Variants in PASK observed in about 807,000 individuals in gnomAD.
PASK encodes the protein PAS domain-containing serine/threonine-protein kinase.
Under a neutral mutation model 121.0 loss-of-function variants are expected in PASK, and 110 were observed. That is an observed-to-expected ratio of 0.91 (90% CI 0.78 to 1.06). PASK has a LOEUF of 1.06. Among genes scored for constraint, PASK ranks in the 50% least tolerant of loss-of-function variants. PASK has a pLI of 0.00. For missense variants in PASK, 1,643 were observed against 1,702.3 expected (o/e 0.97, Z 0.61); for synonymous variants, 686 against 717.8 (o/e 0.96, Z 0.71).
rs1350412594 is a variant in PASK at position 241,142,860 on chromosome 2, CAG to C, written c.171_172del (p.Cys58ProfsTer8). On this transcript the variant is annotated frameshift_variant, in exon 2 of 18. Coordinates refer to ENST00000234040, the MANE Select transcript of PASK (RefSeq NM_015148.4). LOFTEE classifies it high-confidence loss of function. The stretch of plus-strand genomic sequence containing the variant: ...ACCAGAGAGCGCTGTCCTGCTCTGG[CAG>C]AGTCTGGAAAGCCCATTCCTTCTGC... 4 of 1,613,532 alleles carry C rather than the reference CAG, an allele frequency of 2.5e-6. No individual in the cohort carries two copies. Among genetic ancestry groups the C allele is most frequent in the African/African-American group, 2.7e-5 (2 of 74,924 alleles).
intron 2 of PASK, 97 bp from the exon 3 acceptor site, chr2:241,140,850 T>C (rs1052581952): frequency 1.3e-6 from 1 of 767,888 alleles, no homozygotes; most frequent in African/African-American, 1.7e-5. Flanking sequence ...CCTCAACTCC[T>C]GCAAAAAGAT....
At chr2:241,118,341 C>CTATA (rs2065460858) in intron 12 of PASK, among the ~76,000 whole-genome samples, 1 of 152,226 alleles carries the variant, frequency 6.6e-6, no homozygotes, top group South Asian at 2.1e-4. Context: ...GAAAGACAGA[C>CTATA]TATAGATCAA....
At chr2:241,119,375 T>C (rs894609089) in intron 12 of PASK, among the ~76,000 whole-genome samples, 14 of 152,138 alleles carry the variant, frequency 9.2e-5, no homozygotes, top group African/African-American at 3.1e-4. Flanking sequence ...TTGGGCATCA[T>C]GTGCCCACCC....
intron 14 of PASK, among the ~76,000 whole-genome samples, chr2:241,113,041 A>C (rs1461623140): frequency 6.6e-6 from 1 of 152,180 alleles, no homozygotes; most frequent in African/African-American, 2.4e-5. Flanking sequence ...AAGCAGTTAC[A>C]CTGGAAACGG....
chr2:241,111,579 A>C (rs2065114721), intron 15 of PASK, among the ~76,000 whole-genome samples: 1 of 152,018 alleles, frequency 6.6e-6, no homozygotes. Flanking sequence ...AATGAACCAC[A>C]ATCTTCCTTT....
chr2:241,146,184 G>A (rs1447569876), intron 1 of PASK, among the ~76,000 whole-genome samples: 1 of 152,184 alleles, frequency 6.6e-6, no homozygotes, highest in East Asian at 1.9e-4. Context: ...TCCTAATCAT[G>A]ATGATGTTAT....
chr2:241,139,693 T>G, intron 4 of PASK, 192 bp downstream of exon 4: 2 of 711,188 alleles, frequency 2.8e-6, no homozygotes, highest in East Asian at 2.7e-5. Context: ...GATTCGTTCT[T>G]AAAGGGCCCC....
rs140590288 is a variant in PASK at position 241,112,654 on chromosome 2, G to C, written c.3334-215C>G. 1,694 of 530,584 alleles carry C rather than the reference G, an allele frequency of 3.2e-3. 4 individuals carry two copies. The highest frequency in any genetic ancestry group is 4.6e-3 in the Non-Finnish European group (1,360 of 296,344). The allele number at this position is 530,584 out of a possible 1,614,324, so 32.9% of individuals were successfully genotyped here. A position where few individuals can be genotyped will look rare whatever the true frequency, so the allele number is the denominator to read the frequency against. On this transcript the variant is annotated intron_variant, in intron 14 of 17. Coordinates refer to ENST00000234040, the MANE Select transcript of PASK (RefSeq NM_015148.4). This position sits in a 1 kb window ranked among gnomAD's most constrained non-coding sequence, Gnocchi z 5.2. The stretch of plus-strand genomic sequence containing the variant: ...AGGCGTGTTCACTGGGGATGGCCAC[G>C]TTAGCCGGCAAGGTGGCAACATCAA...
rs80343844 is a variant in PASK, at chr2:241,135,863, C to T, written c.1306+8G>A. ...ACAGGCGCATTCAGGAGGAAGAGGA[C>T]GTCTTACCCTGGCCCCCCTCAGCTG... On this transcript the variant is annotated splice_region_variant and intron_variant, in intron 8 of 17. Transcript: ENST00000234040. 264 of 1,612,868 alleles carry T rather than the reference C, an allele frequency of 1.6e-4. No individual in the cohort carries two copies. The East Asian group carries it at 5.7e-3, about 35-fold the overall frequency.
chr2:241,112,432 G>T lies in PASK; in HGVS notation c.3341C>A (p.Ser1114Ter). The change falls in exon 15 of 18, where the codon TCA (serine) becomes TAA (stop). Residue 1114 changes from serine to a stop codon, truncating the protein, a stop_gained. Coordinates refer to ENST00000234040, the MANE Select transcript of PASK (RefSeq NM_015148.4). LOFTEE classifies it high-confidence loss of function. The surrounding 1 kb of genome is among the most constrained non-coding windows in gnomAD (Gnocchi z 5.2). ...LASYIFRQLV[S>*]AVGYLRLKDI... Reference sequence around the variant, plus strand: ...CTTCAAGCGCAGGTATCCCACTGCTGACACTAGCTGGAATCAGGAGGCCAG... The same window carrying T: ...CTTCAAGCGCAGGTATCCCACTGCTTACACTAGCTGGAATCAGGAGGCCAG... 1 of 1,611,610 alleles carries T rather than the reference G, an allele frequency of 6.2e-7. No homozygotes were observed. The highest frequency in any genetic ancestry group is 1.1e-5 in the South Asian group (1 of 91,012).
At chr2:241,140,267 T>A (rs1274255016) in intron 3 of PASK, among the ~76,000 whole-genome samples, 1 of 151,982 alleles carries the variant, frequency 6.6e-6, no homozygotes, top group East Asian at 1.9e-4. Context: ...TGGGTTCAAG[T>A]GATCCTCCTG....
At chr2:241,115,867 C>T (rs1468671685) in intron 12 of PASK, among the ~76,000 whole-genome samples, 384 of 119,042 alleles carry the variant, frequency 3.2e-3, no homozygotes, top group Middle Eastern at 8.8e-3. Flanking sequence ...CACCCGGTCC[C>T]CAAGCATCCC....
In PASK at chr2:241,135,894, T is replaced by A; in HGVS notation, c.1283A>T (p.Gln428Leu). 6.2e-6 allele frequency: 10 copies of A among 1,614,172 alleles called. No homozygotes were observed. Among genetic ancestry groups the A allele is most frequent in the Non-Finnish European group, 8.5e-6 (10 of 1,180,000 alleles). ...ACCCTGGCCCCCCTCAGCTGGGTCC[T>A]GGCCCTGCCACGGGTCCAAGGTTCT... ...GERTLDPWQG[Q>L]DPAEGGQDPR... The change falls in exon 8 of 18, where the codon CAG becomes CTG. Residue 428 changes from glutamine (Q) to leucine (L), a missense_variant. By Grantham distance (113) the Gln-to-Leu change is moderately radical (BLOSUM62 -2). This residue lies in a region of PASK where 1,176 missense variants were observed against 1,162.2 expected (regional missense o/e 1.01). Transcript: ENST00000234040.
rs1283336511 is a variant in PASK, at chr2:241,126,988, G to A, written c.1927C>T (p.Leu643=). The part of the protein sequence containing the change: ...MAGLSFGTPT[L]DEPWLGVEND... ...TCCACTCCCAGCCACGGCTCATCTA[G>A]AGTAGGTGTCCCAAACGAGAGGCCT... Residue 643 remains leucine, a synonymous_variant, in exon 10 of 18, where the codon CTA becomes TTA. Transcript: ENST00000234040. 6.2e-7 allele frequency: 1 copy of A among 1,614,254 alleles called. No individual in the cohort carries two copies. Among genetic ancestry groups the A allele is most frequent in the African/African-American group, 1.3e-5 (1 of 75,080 alleles).
Position 241,108,516 on chromosome 2 carries a change from T to C in PASK, c.3534-216A>G. 1.6e-6 allele frequency: 1 copy of C among 613,320 alleles called. No homozygotes were observed. Among genetic ancestry groups the C allele is most frequent in the Non-Finnish European group, 2.9e-6 (1 of 339,280 alleles). 38.0% of individuals were successfully genotyped at this position (613,320 alleles called of 1,614,324 possible). ...CCATGTGCCAGGAGTGGAGAGGCCA[T>C]CGGGCAGCTCCGAGGCTAATCAGGA... On this transcript the variant is annotated intron_variant, in intron 15 of 17. Transcript: ENST00000234040. This position sits in a 1 kb window ranked among gnomAD's most constrained non-coding sequence, Gnocchi z 5.2.
intron 8 of PASK, chr2:241,134,908 C>G (rs1013229434): frequency 6.6e-6 from 1 of 152,432 alleles, no homozygotes; most frequent in African/African-American, 2.4e-5. Flanking sequence ...GGCAGAGGCC[C>G]TGGAGGCAGA....
intron 9 of PASK, chr2:241,127,780 G>C (rs1398298254): frequency 5.2e-6 from 2 of 386,924 alleles, no homozygotes; most frequent in African/African-American, 4.2e-5. Context: ...GCCTAGCCTC[G>C]GCCCCACCTG....
rs564275122 is a variant in PASK at position 241,126,433 on chromosome 2, C to A, written c.2482G>T (p.Val828Phe). 7.1e-5 allele frequency: 114 copies of A among 1,614,266 alleles called. 1 individual carries two copies. In the South Asian group the frequency reaches 1.2e-3, roughly 17 times the overall value. The change falls in exon 10 of 18, where the codon GTT becomes TTT. Residue 828 changes from valine (V) to phenylalanine (F), a missense_variant. This residue lies in a region of PASK where 1,176 missense variants were observed against 1,162.2 expected (regional missense o/e 1.01). Transcript: ENST00000234040. Reference protein sequence around the residue: ...VGHDPTEPLEVCLVSSEHYAA... With the variant: ...VGHDPTEPLEFCLVSSEHYAA... ...TAATGCTCAGAGGACACCAAACAAA[C>A]CTCAAGCGGTTCTGTTGGATCATGT...
chr2:241,114,428 A>G, intron 14 of PASK: 1 of 993,258 alleles, frequency 1.0e-6, no homozygotes, highest in Non-Finnish European at 1.2e-6. Context: ...TGGGAGCAGT[A>G]CAGGATGGAA....
Sources: gnomAD v4.1 joint callset for allele counts (sites outside exome capture counted in the v4.1 genomes callset) on GRCh38, gnomAD v4.1.1 for gene constraint, gnomAD v4.1.1 regional missense constraint, Gnocchi (gnomAD v3.1) non-coding constraint, MANE v1.5 for transcripts, NCBI Gene and HGNC (gene_info 2026-07-23, HGNC 2026-07-21) for gene names.